TNKS: variants seen among roughly 807,000 people sequenced by gnomAD.
TNKS encodes poly [ADP-ribose] polymerase tankyrase-1.
In TNKS, 72 loss-of-function variants were observed where a neutral mutation model predicts 135.8. The ratio of observed to expected loss-of-function variants is 0.53; its 90% CI spans 0.44 to 0.64. The LOEUF (loss-of-function observed/expected upper bound fraction) is 0.64, where lower values mean the gene tolerates loss of function less well. TNKS is among the 30% of genes least tolerant of loss of function. The probability of loss-of-function intolerance (pLI) is 0.00; values close to 1 mark genes in which losing one functional copy is unlikely to be tolerated. For synonymous variants in TNKS, 849 were observed against 649.3 expected, an observed-to-expected ratio of 1.31 and a Z score of -4.68; for missense variants, 1,769 against 1,674.0, an observed-to-expected ratio of 1.06 and a Z score of -0.99.
intron 12 of TNKS, among the ~76,000 whole-genome samples, chr8:9,724,763 A>G (rs1805079646): frequency 6.6e-6 from 1 of 152,204 alleles, no homozygotes; most frequent in African/African-American, 2.4e-5. Context: ...AACCAGGACT[A>G]ATAATTCTTT....
At chr8:9,678,210 G>A (rs1309008329) in intron 3 of TNKS, among the ~76,000 whole-genome samples, 1 of 152,152 alleles carries the variant, frequency 6.6e-6, no homozygotes, top group Non-Finnish European at 1.5e-5. Context: ...GATACATTGC[G>A]TAATTTGATT....
intron 26 of TNKS, among the ~76,000 whole-genome samples, chr8:9,774,959 T>G (rs76616568): frequency 6.2e-4 from 95 of 152,334 alleles, no homozygotes; most frequent in African/African-American, 2.2e-3. Flanking sequence ...CAGCCTGCGT[T>G]CTTTTTACAT....
At chr8:9,770,537 AGCTC>A (rs1807765641) in intron 26 of TNKS, among the ~76,000 whole-genome samples, 2 of 152,258 alleles carry the variant, frequency 1.3e-5, no homozygotes. Flanking sequence ...TGAGGCCTGC[AGCTC>A]TGAACTAATG....
Position 9,669,141 on chromosome 8 carries a change from G to A in TNKS, c.995-10810G>A, listed in dbSNP as rs145293274. On this transcript the variant is annotated intron_variant, in intron 3 of 26. Transcript: ENST00000310430. ...AGCAATAAGAATGGAAAAAAGGGCCGGGCGCGGTGGCTCACGCCTGTAATC... is the reference window on the plus strand; with the variant it reads ...AGCAATAAGAATGGAAAAAAGGGCCAGGCGCGGTGGCTCACGCCTGTAATC... 5.1e-3 allele frequency among the ~76,000 whole-genome samples: 781 copies of A among 152,156 alleles called. 9 individuals are homozygous for A. The highest frequency in any genetic ancestry group is 0.018 in the African/African-American group (746 of 41,508).
At chr8:9,643,520 T>C (rs914702446) in intron 3 of TNKS, among the ~76,000 whole-genome samples, 3 of 152,026 alleles carry the variant, frequency 2.0e-5, no homozygotes, top group Admixed American at 1.3e-4. Context: ...TCAAAACTAT[T>C]GCATTGGGGA....
intron 3 of TNKS, among the ~76,000 whole-genome samples, chr8:9,669,220 C>A (rs1332316609): frequency 6.6e-6 from 1 of 151,272 alleles, no homozygotes; most frequent in Non-Finnish European, 1.5e-5. Context: ...AGATCGAGAC[C>A]ATCCTGGCTA....
At chr8:9,566,039 C>G (rs1797522722) in intron 1 of TNKS, among the ~76,000 whole-genome samples, 2 of 151,970 alleles carry the variant, frequency 1.3e-5, no homozygotes, top group African/African-American at 4.8e-5. Context: ...TGCCCTCATT[C>G]TGATAATACT....
chr8:9,724,368 A>G (rs1424654638), intron 12 of TNKS, among the ~76,000 whole-genome samples: 1 of 152,138 alleles, frequency 6.6e-6, no homozygotes, highest in Non-Finnish European at 1.5e-5. Flanking sequence ...CAAGAGGATC[A>G]CTTGAGCCCA....
chr8:9,764,772 C>T lies in TNKS; in HGVS notation c.3429C>T (p.Asn1143=). Residue 1143 remains asparagine, a synonymous_variant, in exon 23 of 27, where the codon AAC becomes AAT. Transcript: ENST00000310430. ...RDGGNAGGIF[N]RYNVIRIQKV... ...GTGGTAATGCTGGCGGCATCTTCAA[C>T]AGATACAATGTCATTCGAGTAAGTT... The T allele has an allele frequency of 6.3e-7, 1 of 1,596,976 alleles. No individual in the cohort carries two copies. The highest frequency in any genetic ancestry group is 8.5e-7 in the Non-Finnish European group (1 of 1,173,386).
chr8:9,621,361 A>G (rs548857018), intron 3 of TNKS, among the ~76,000 whole-genome samples: 57 of 151,480 alleles, frequency 3.8e-4, no homozygotes, highest in South Asian at 1.7e-3. Flanking sequence ...CTGGAGTACA[A>G]TGGTGCAGTC....
rs557398704 is a variant in TNKS, at chr8:9,642,251, G to A, written c.994+26574G>A. On this transcript the variant is annotated intron_variant, in intron 3 of 26. Transcript: ENST00000310430. ...CACATTTACTCAAAATGAATGTGTC[G>A]TTTCTTTTGCTAGCACAGAATGAGA... is the stretch of plus-strand genomic sequence containing the variant. Among the ~76,000 whole-genome samples the A allele has an allele frequency of 5.5e-5, 8 of 146,398 alleles. No individual in the cohort carries two copies. In the South Asian group the frequency reaches 6.6e-4, roughly 12 times the overall value.
chr8:9,591,640 T>G (rs1191521763), intron 2 of TNKS, among the ~76,000 whole-genome samples: 2 of 152,236 alleles, frequency 1.3e-5, no homozygotes, highest in Non-Finnish European at 2.9e-5. Context: ...TGAGAATTCT[T>G]TTTGTGCTGT....
intron 2 of TNKS, among the ~76,000 whole-genome samples, chr8:9,610,368 GTATAA>G (rs1799412334): frequency 6.6e-6 from 1 of 151,004 alleles, no homozygotes; most frequent in African/African-American, 2.4e-5. Context: ...AATGTATACT[GTATAA>G]TATAATGGCA....
At chr8:9,597,000 A>G (rs1798814494) in intron 2 of TNKS, among the ~76,000 whole-genome samples, 1 of 152,258 alleles carries the variant, frequency 6.6e-6, no homozygotes. Flanking sequence ...GGTATTAAGG[A>G]CAAATATGTA....
At chr8:9,626,961 A>T (rs185429977) in intron 3 of TNKS, among the ~76,000 whole-genome samples, 2 of 152,200 alleles carry the variant, frequency 1.3e-5, no homozygotes, top group African/African-American at 4.8e-5. Context: ...GTCTCCAGGT[A>T]GCTTCAGGAT....
chr8:9,629,346 G>A (rs1397677988), intron 3 of TNKS, among the ~76,000 whole-genome samples: 3 of 152,200 alleles, frequency 2.0e-5, no homozygotes, highest in African/African-American at 4.8e-5. Flanking sequence ...ACTGCTGTAC[G>A]TCAGGCTTCC....
chr8:9,556,700 C>A, intron 1 of TNKS, 88 bp downstream of exon 1: 1 of 1,472,466 alleles, frequency 6.8e-7, no homozygotes, highest in Non-Finnish European at 9.3e-7. Context: ...TGTGATGGGA[C>A]AAAGTGGGGG....
chr8:9,741,982 ATGTT>A (rs1256873715), intron 17 of TNKS, among the ~76,000 whole-genome samples: 1 of 151,996 alleles, frequency 6.6e-6, no homozygotes, highest in African/African-American at 2.4e-5. Flanking sequence ...TCCTCTTTTT[ATGTT>A]TGTTAAATCC....
At chr8:9,642,060 A>G (rs1800750528) in intron 3 of TNKS, among the ~76,000 whole-genome samples, 1 of 146,196 alleles carries the variant, frequency 6.8e-6, no homozygotes, top group Non-Finnish European at 1.5e-5. Context: ...TTTGGCTTAA[A>G]TCTTTTAAGT....
Sources: allele counts gnomAD v4.1 joint callset (sites outside exome capture counted in the v4.1 genomes callset), GRCh38; gene constraint gnomAD v4.1.1; transcripts MANE v1.5; gene names NCBI Gene and HGNC (gene_info 2026-07-23, HGNC 2026-07-21).